Variants in NTM observed in about 807,000 individuals in gnomAD.
The protein encoded by NTM is neurotrimin.
Under a neutral mutation model 42.1 loss-of-function variants are expected in NTM, and 13 were observed. The observed-to-expected ratio is 0.31, with a 90% CI of 0.20 to 0.49. NTM has a LOEUF of 0.49. NTM is among the 20% of genes least tolerant of loss of function. NTM has a pLI of 0.99. For missense variants in NTM, 373 were observed against 452.8 expected, an observed-to-expected ratio of 0.82 and a Z score of 1.60; for synonymous variants, 187 against 179.2, an observed-to-expected ratio of 1.04 and a Z score of -0.35.
intron 1 of NTM, among the ~76,000 whole-genome samples, chr11:131,604,588 A>G (rs1433885460): frequency 6.6e-6 from 1 of 151,582 alleles, no homozygotes; most frequent in African/African-American, 2.4e-5. Flanking sequence ...ATATCTAAGA[A>G]GCTATTTCAT....
rs550715578 is a variant in NTM, at chr11:132,171,390, A to T, written c.400+24876A>T. 5.9e-5 allele frequency among the ~76,000 whole-genome samples: 9 copies of T among 152,350 alleles called. No homozygotes were observed. The East Asian group carries it at 1.7e-3, about 29-fold the overall frequency. ...ACAAGTCCGAGATCAAGGTTCTGGC[A>T]GATTTGGTGTCTGGCGTGGGCTCAC... On this transcript the variant is annotated intron_variant, in intron 3 of 8. Transcript: ENST00000683400.
intron 2 of NTM, among the ~76,000 whole-genome samples, chr11:131,941,413 A>G (rs186673956): frequency 1.1e-3 from 160 of 152,314 alleles, no homozygotes; most frequent in Non-Finnish European, 1.9e-3. Flanking sequence ...AATCCTGTCC[A>G]TAGCAGGGTG....
At chr11:132,013,091 G>C (rs1384477398) in intron 2 of NTM, among the ~76,000 whole-genome samples, 2 of 151,908 alleles carry the variant, frequency 1.3e-5, no homozygotes, top group Non-Finnish European at 2.9e-5. Context: ...ACCAATTTTC[G>C]AATCACTGAC....
intron 1 of NTM, among the ~76,000 whole-genome samples, chr11:131,529,493 G>A (rs1023624347): frequency 2.6e-5 from 4 of 152,188 alleles, no homozygotes; most frequent in Admixed American, 2.6e-4. Flanking sequence ...ATGGGGAAAT[G>A]CAGACAGGCT....
chr11:131,602,523 CAG>C (rs1248384477), intron 1 of NTM, among the ~76,000 whole-genome samples: 1 of 152,184 alleles, frequency 6.6e-6, no homozygotes, highest in Non-Finnish European at 1.5e-5. Context: ...GCTTGACAAT[CAG>C]ATAGTGAAAC....
chr11:132,207,599 C>A (rs1014519944), intron 3 of NTM, among the ~76,000 whole-genome samples: 11 of 152,182 alleles, frequency 7.2e-5, no homozygotes, highest in African/African-American at 2.4e-4. Flanking sequence ...AAAAAATTAT[C>A]TTCCATGAAA....
At chr11:131,712,935 A>AGAAG (rs893225405) in intron 1 of NTM, among the ~76,000 whole-genome samples, 10 of 152,290 alleles carry the variant, frequency 6.6e-5, no homozygotes, top group African/African-American at 2.4e-4. Flanking sequence ...AGAATGAAAA[A>AGAAG]GAAGGAAGGA....
chr11:131,883,713 G>C (rs1369103455), intron 1 of NTM, among the ~76,000 whole-genome samples: 1 of 152,106 alleles, frequency 6.6e-6, no homozygotes, highest in African/African-American at 2.4e-5. Context: ...GGTGGTAGAG[G>C]GAAGATGACA....
At chr11:131,804,108 A>G (rs1382009442) in intron 1 of NTM, among the ~76,000 whole-genome samples, 1 of 151,968 alleles carries the variant, frequency 6.6e-6, no homozygotes, top group Non-Finnish European at 1.5e-5. Flanking sequence ...ACTCCTTTTC[A>G]TCTCCACCAC....
At chr11:131,751,982 A>C (rs1358926842) in intron 1 of NTM, among the ~76,000 whole-genome samples, 8 of 152,184 alleles carry the variant, frequency 5.3e-5, no homozygotes, top group African/African-American at 1.9e-4. Flanking sequence ...TAAATGCAGA[A>C]GCCAACATTG....
intron 1 of NTM, among the ~76,000 whole-genome samples, chr11:131,776,761 G>T (rs532654990): frequency 6.6e-6 from 1 of 152,058 alleles, no homozygotes; most frequent in South Asian, 2.1e-4. Flanking sequence ...ATAGATTTCC[G>T]CCACATGGTG....
chr11:131,394,767 A>G (rs1944373574), intron 1 of NTM, among the ~76,000 whole-genome samples: 1 of 152,150 alleles, frequency 6.6e-6, no homozygotes, highest in Non-Finnish European at 1.5e-5. Context: ...CGTCGAGCTC[A>G]GCTTTGGAAA....
chr11:132,146,949 A>C lies in NTM; in HGVS notation c.400+435A>C. On this transcript the variant is annotated intron_variant, in intron 3 of 8. Coordinates refer to ENST00000683400, the MANE Select transcript of NTM (RefSeq NM_001352005.2). The surrounding 1 kb of genome is among the most constrained non-coding windows in gnomAD (Gnocchi z 4.5). ...CATGTCCCCCTCCAGCCTTGAACGA[A>C]AGCAGAGCCAACCAGGATGCACTGG... is the stretch of plus-strand genomic sequence containing the variant. 1 of 180,084 alleles carries C rather than the reference A, an allele frequency of 5.6e-6. No homozygotes were observed. The allele number at this position is 180,084 out of a possible 1,614,324, so 11.2% of individuals were successfully genotyped here.
intron 4 of NTM, among the ~76,000 whole-genome samples, chr11:132,244,998 A>T (rs1488132294): frequency 6.6e-6 from 1 of 152,172 alleles, no homozygotes; most frequent in East Asian, 1.9e-4. Flanking sequence ...TGCGGCTCTG[A>T]GTGAGAACAG....
chr11:132,230,859 C>CA (rs765427173), intron 4 of NTM, among the ~76,000 whole-genome samples: 1 of 152,098 alleles, frequency 6.6e-6, no homozygotes, highest in Admixed American at 6.5e-5. Flanking sequence ...CCCATCTCTA[C>CA]AAAAAAATTT....
intron 7 of NTM, among the ~76,000 whole-genome samples, chr11:132,328,959 A>G (rs2095743906): frequency 6.6e-6 from 1 of 152,046 alleles, no homozygotes; most frequent in Non-Finnish European, 1.5e-5. Context: ...CTCAATCACA[A>G]AACTTTTGAT....
chr11:132,196,686 A>G (rs1297039147), intron 3 of NTM, among the ~76,000 whole-genome samples: 1 of 152,186 alleles, frequency 6.6e-6, no homozygotes, highest in African/African-American at 2.4e-5. Flanking sequence ...AACACCAAAT[A>G]CGGCATGTTC....
At chr11:132,243,221 CTG>C (rs1250937749) in intron 4 of NTM, among the ~76,000 whole-genome samples, 2 of 152,258 alleles carry the variant, frequency 1.3e-5, no homozygotes, top group South Asian at 2.1e-4. Flanking sequence ...GAAGCAAAGT[CTG>C]AGAGAGGAGG....
At chr11:131,570,912 C>T (rs1359322806) in intron 1 of NTM, among the ~76,000 whole-genome samples, 1 of 152,206 alleles carries the variant, frequency 6.6e-6, no homozygotes, top group Non-Finnish European at 1.5e-5. Context: ...CAGAAAGGAA[C>T]AAGAATCATA....
Sources: allele counts gnomAD v4.1 joint callset (sites outside exome capture counted in the v4.1 genomes callset), GRCh38; gene constraint gnomAD v4.1.1; non-coding constraint Gnocchi (gnomAD v3.1); transcripts MANE v1.5; gene names NCBI Gene and HGNC (gene_info 2026-07-23, HGNC 2026-07-21).